POLR1A: variants seen among roughly 807,000 people sequenced by gnomAD.
POLR1A encodes the protein RNA polymerase I subunit A.
A neutral mutation model predicts 205.3 loss-of-function variants in POLR1A; 84 were observed. That is an observed-to-expected ratio of 0.41 (90% CI 0.34 to 0.49). The LOEUF (loss-of-function observed/expected upper bound fraction) is 0.49. Among genes scored for constraint, POLR1A ranks in the 20% least tolerant of loss-of-function variants. POLR1A has a pLI of 0.22. For synonymous variants in POLR1A, 799 were observed against 863.7 expected (o/e 0.93, Z 1.31); for missense variants, 1,645 against 2,204.5 (o/e 0.75, Z 5.08).
At chr2:86,068,827 C>T (rs1460722340) in intron 13 of POLR1A, among the ~76,000 whole-genome samples, 11 of 152,200 alleles carry the variant, frequency 7.2e-5, no homozygotes, top group Admixed American at 7.2e-4. Context: ...GGATGCCGGG[C>T]TCCTGGCCAC....
intron 1 of POLR1A, among the ~76,000 whole-genome samples, chr2:86,100,535 C>CT (rs568031636): frequency 0.03 from 4,196 of 137,604 alleles, 169 homozygotes; most frequent in African/African-American, 0.095. Flanking sequence ...ATTATTCTGT[C>CT]TTTTTTTTTT....
chr2:86,069,377 C>G lies in POLR1A; in HGVS notation c.1866+641G>C, dbSNP rs1415721634. On this transcript the variant is annotated intron_variant, in intron 13 of 33. Coordinates refer to ENST00000263857, the MANE Select transcript of POLR1A (RefSeq NM_015425.6). ...AGCCTGCCTCTTTCCCCGCTCTGTCCCTCCCATGAGCACATGCTAACTCAG... is the reference window on the plus strand; with the variant it reads ...AGCCTGCCTCTTTCCCCGCTCTGTCGCTCCCATGAGCACATGCTAACTCAG... 2.0e-5 allele frequency among the ~76,000 whole-genome samples: 3 copies of G among 152,140 alleles called. No individual in the cohort carries two copies. The East Asian group carries it at 5.8e-4, about 29-fold the overall frequency.
chr2:86,029,758 G>A (rs374866522), intron 31 of POLR1A, among the ~76,000 whole-genome samples: 46 of 149,666 alleles, frequency 3.1e-4, no homozygotes, highest in African/African-American at 1.1e-3. Context: ...CACCATGCCC[G>A]GCTATTTTTT....
Position 86,028,135 on chromosome 2 carries a change from A to G in POLR1A, c.4898-86T>C. Reference sequence around the variant, plus strand: ...ACACAAGCCAAGCTGCCTCCACATCAGCACATGGCTTGGGAGTTAGACTCT... The same window carrying G: ...ACACAAGCCAAGCTGCCTCCACATCGGCACATGGCTTGGGAGTTAGACTCT... On this transcript the variant is annotated intron_variant, in intron 32 of 33. Coordinates refer to ENST00000263857, the MANE Select transcript of POLR1A (RefSeq NM_015425.6). This position sits in a 1 kb window ranked among gnomAD's most constrained non-coding sequence, Gnocchi z 4.5. The G allele has an allele frequency of 7.8e-7, 1 of 1,286,292 alleles. No individual in the cohort carries two copies. 79.7% of individuals were successfully genotyped at this position (1,286,292 alleles called of 1,614,324 possible). A position where few individuals can be genotyped will look rare whatever the true frequency, so the allele number is the denominator to read the frequency against.
chr2:86,057,949 AAG>A (rs1187106357), intron 14 of POLR1A, among the ~76,000 whole-genome samples: 1 of 152,170 alleles, frequency 6.6e-6, no homozygotes, highest in Admixed American at 6.5e-5. Flanking sequence ...TTAAAAAAAA[AAG>A]AGAGACAGGG....
intron 14 of POLR1A, among the ~76,000 whole-genome samples, chr2:86,064,905 T>C (rs929697068): frequency 2.0e-5 from 3 of 152,012 alleles, no homozygotes; most frequent in Non-Finnish European, 2.9e-5. Context: ...AGCCTCCCGG[T>C]AGCTGAGATT....
chr2:86,033,385 C>G (rs2104382237), intron 28 of POLR1A, among the ~76,000 whole-genome samples: 2 of 152,378 alleles, frequency 1.3e-5, no homozygotes, highest in South Asian at 4.1e-4. Context: ...GGATGAAGAC[C>G]ACTTACAGCG....
chr2:86,059,617 G>A (rs1038456923), intron 14 of POLR1A, among the ~76,000 whole-genome samples: 1 of 152,182 alleles, frequency 6.6e-6, no homozygotes, highest in Non-Finnish European at 1.5e-5. Context: ...CCAGGCTGGA[G>A]TGCAGTGGTG....
chr2:86,030,075 C>T (rs2104378985), intron 31 of POLR1A, 121 bp downstream of exon 31: 1 of 786,310 alleles, frequency 1.3e-6, no homozygotes, highest in African/African-American at 1.7e-5. Context: ...CCTGGAAGCA[C>T]AAATGGCTCA....
chr2:86,030,422 G>C, intron 30 of POLR1A, 26 bp from the exon 31 acceptor site: 1 of 1,523,844 alleles, frequency 6.6e-7, no homozygotes, highest in Non-Finnish European at 9.1e-7. Context: ...GAGCTGGGTA[G>C]GGTGACAGCT....
At chr2:86,040,600 G>C (rs777268089) in intron 24 of POLR1A, 41 bp from the exon 25 acceptor site, 12 of 1,456,352 alleles carry the variant, frequency 8.2e-6, no homozygotes, top group Non-Finnish European at 1.1e-5. Flanking sequence ...GGTTGTGGCA[G>C]GGGTCAGGAG....
chr2:86,045,405 G>C (rs566847625), intron 20 of POLR1A, 45 bp from the exon 21 acceptor site: 2 of 1,490,990 alleles, frequency 1.3e-6, no homozygotes, highest in Admixed American at 3.4e-5. Context: ...AGTGAGGACA[G>C]TGCGCTTCCT....
intron 25 of POLR1A, 149 bp from the exon 26 acceptor site, chr2:86,039,611 A>T: frequency 1.0e-6 from 1 of 962,274 alleles, no homozygotes; most frequent in Non-Finnish European, 1.6e-6. Context: ...AGAGAATCCC[A>T]GCTCTGGCCT....
At chr2:86,048,821 G>T in intron 18 of POLR1A, 63 bp downstream of exon 18, 2 of 1,475,842 alleles carry the variant, frequency 1.4e-6, no homozygotes, top group Non-Finnish European at 1.9e-6. Flanking sequence ...GAATCAAAAT[G>T]TAATTTTTTT....
chr2:86,096,525 A>C (rs1673706039), intron 3 of POLR1A, among the ~76,000 whole-genome samples: 3 of 152,198 alleles, frequency 2.0e-5, no homozygotes, highest in Admixed American at 2.0e-4. Flanking sequence ...AGAATTCAAA[A>C]TATACTACAA....
Position 86,045,642 on chromosome 2 carries a change from C to G in POLR1A, c.2861G>C (p.Arg954Thr). 6.2e-7 allele frequency: 1 copy of G among 1,614,078 alleles called. No individual in the cohort carries two copies. Among genetic ancestry groups the G allele is most frequent in the Non-Finnish European group, 8.5e-7 (1 of 1,179,994 alleles). ...TPRAGGFVTG[R>T]FLTGIKPPEF... is the part of the protein sequence containing the mutation. ...AGGAGGTTTGATGCCGGTGAGGAACCTGCCAGTGACAAAGCCACCAGCCCT... is the reference window on the plus strand; with the variant it reads ...AGGAGGTTTGATGCCGGTGAGGAACGTGCCAGTGACAAAGCCACCAGCCCT... The change falls in exon 20 of 34, where the codon AGG becomes ACG. Residue 954 changes from arginine to threonine, a missense_variant. Around this residue, in one of 16 missense-constraint regions of POLR1A, gnomAD observed 339 missense variants for 415.1 expected, o/e 0.82. Transcript: ENST00000263857.
At chr2:86,049,310 G>GTT in intron 16 of POLR1A, 68 bp from the exon 17 acceptor site, 3 of 1,104,296 alleles carry the variant, frequency 2.7e-6, no homozygotes, top group Non-Finnish European at 4.2e-6. Context: ...ACTAAACTCA[G>GTT]TAAGGCCAGA....
chr2:86,091,342 A>G (rs914528100), intron 3 of POLR1A, among the ~76,000 whole-genome samples: 3 of 152,170 alleles, frequency 2.0e-5, no homozygotes, highest in African/African-American at 7.2e-5. Context: ...GCTGCTCTTT[A>G]ACTCCTGGGC....
intron 6 of POLR1A, among the ~76,000 whole-genome samples, chr2:86,087,348 C>T (rs886753366): frequency 2.0e-5 from 3 of 152,160 alleles, no homozygotes; most frequent in African/African-American, 7.2e-5. Flanking sequence ...CCATGCTTAT[C>T]CCATATTCTC....
Sources: allele counts gnomAD v4.1 joint callset (sites outside exome capture counted in the v4.1 genomes callset), GRCh38; gene constraint gnomAD v4.1.1; regional missense constraint gnomAD v4.1.1; non-coding constraint Gnocchi (gnomAD v3.1); transcripts MANE v1.5; gene names NCBI Gene and HGNC (gene_info 2026-07-23, HGNC 2026-07-21).